STRADA: variants seen among roughly 807,000 people sequenced by gnomAD.
The protein encoded by STRADA is STE20 related adaptor alpha, also known as STE20-related kinase adapter protein alpha.
STRADA carries 26 observed loss-of-function variants against 55.0 expected under a neutral mutation model. The observed-to-expected ratio is 0.47, with a 90% confidence interval of 0.35 to 0.66. The LOEUF (loss-of-function observed/expected upper bound fraction) is 0.66. Among genes scored for constraint, STRADA ranks in the 30% least tolerant of loss-of-function variants. The pLI is 0.01. For synonymous variants in STRADA, 197 were observed against 210.9 expected, an observed-to-expected ratio of 0.93 and a Z score of 0.57; for missense variants, 443 against 549.7, an observed-to-expected ratio of 0.81 and a Z score of 1.94.
At chr17:63,730,246 A>C (rs1030205719) in intron 1 of STRADA, among the ~76,000 whole-genome samples, 1 of 152,070 alleles carries the variant, frequency 6.6e-6, no homozygotes, top group Admixed American at 6.6e-5. Flanking sequence ...CAAACACGCC[A>C]ACATCTCTGC....
At chr17:63,706,493 C>T (rs1405364140) in intron 10 of STRADA, 142 bp downstream of exon 10, 2 of 676,462 alleles carry the variant, frequency 3.0e-6, no homozygotes, top group Admixed American at 2.5e-5. Context: ...TCACTATCCC[C>T]CACTGGGTGG....
intron 6 of STRADA, 109 bp downstream of exon 6, chr17:63,713,297 C>G (rs1377750144): frequency 6.8e-7 from 1 of 1,463,770 alleles, no homozygotes; most frequent in Non-Finnish European, 9.2e-7. Context: ...TGAAAGCTTC[C>G]ATAACTTCCG....
At chr17:63,738,340 C>CAA (rs561180973) in intron 1 of STRADA, among the ~76,000 whole-genome samples, 6 of 76,724 alleles carry the variant, frequency 7.8e-5, no homozygotes, top group Admixed American at 1.6e-4. Flanking sequence ...GACTCCGACT[C>CAA]AAAAAAAAAA....
At chr17:63,739,973 C>T (rs2038770059) in intron 1 of STRADA, among the ~76,000 whole-genome samples, 1 of 146,924 alleles carries the variant, frequency 6.8e-6, no homozygotes, top group South Asian at 2.1e-4. Flanking sequence ...CAGGCAGGTA[C>T]CTGTTCCTGG....
chr17:63,717,296 A>AATTTT (rs1265712176), intron 4 of STRADA: 1 of 152,164 alleles, frequency 6.6e-6, no homozygotes, highest in African/African-American at 2.4e-5. Flanking sequence ...AGGATCATTA[A>AATTTT]ATTTTATTTT....
chr17:63,711,359 T>C (rs1484089676), intron 6 of STRADA, among the ~76,000 whole-genome samples: 1 of 151,882 alleles, frequency 6.6e-6, no homozygotes, highest in East Asian at 1.9e-4. Context: ...GTTTTCTTTT[T>C]TATTTTTTTG....
intron 1 of STRADA, among the ~76,000 whole-genome samples, chr17:63,729,785 T>A (rs2037901156): frequency 7.0e-6 from 1 of 141,848 alleles, no homozygotes; most frequent in African/African-American, 2.7e-5. Context: ...CTAGACTCCA[T>A]CTCAAAACAA....
chr17:63,740,137 T>TAC (rs775156758), intron 1 of STRADA, among the ~76,000 whole-genome samples: 13,938 of 59,872 alleles, frequency 0.23, 2,858 homozygotes, highest in South Asian at 0.43. Flanking sequence ...TACACATACA[T>TAC]ATATATATAT....
intron 12 of STRADA, 111 bp from the exon 13 acceptor site, chr17:63,703,862 T>C (rs1000908088): frequency 4.3e-6 from 7 of 1,611,296 alleles, no homozygotes; most frequent in East Asian, 2.2e-5. Flanking sequence ...GCCAACTCCA[T>C]GAGAGGAAGG....
intron 1 of STRADA, among the ~76,000 whole-genome samples, chr17:63,739,058 C>T (rs549941125): frequency 7.1e-6 from 1 of 141,272 alleles, no homozygotes; most frequent in Non-Finnish European, 1.5e-5. Flanking sequence ...GAGGCTGAGG[C>T]AGGAGAATGG....
At chr17:63,726,812 G>A in intron 2 of STRADA, 117 bp from the exon 3 acceptor site, 1 of 960,536 alleles carries the variant, frequency 1.0e-6, no homozygotes, top group Non-Finnish European at 1.6e-6. Flanking sequence ...ATGCAGTACA[G>A]TTAGGAATCA....
chr17:63,736,183 C>T (rs1198024759), intron 1 of STRADA, among the ~76,000 whole-genome samples: 2 of 151,958 alleles, frequency 1.3e-5, no homozygotes, highest in Non-Finnish European at 2.9e-5. Flanking sequence ...GTGATCCACC[C>T]GCCTCAGCCT....
intron 10 of STRADA, 144 bp downstream of exon 10, chr17:63,706,491 C>T (rs1455201520): frequency 1.5e-6 from 1 of 668,404 alleles, no homozygotes; most frequent in Non-Finnish European, 2.6e-6. Context: ...GGTCACTATC[C>T]CCCACTGGGT....
intron 1 of STRADA, among the ~76,000 whole-genome samples, chr17:63,731,083 A>G (rs1235139190): frequency 6.6e-6 from 1 of 151,730 alleles, no homozygotes; most frequent in Non-Finnish European, 1.5e-5. Flanking sequence ...AGCTGGGACT[A>G]CAGGCGTGCG....
At chr17:63,723,162 A>C (rs1219484508) in intron 4 of STRADA, 136 bp downstream of exon 4, 3 of 1,116,418 alleles carry the variant, frequency 2.7e-6, no homozygotes, top group African/African-American at 1.6e-5. Context: ...CCACAAGTAC[A>C]AAAATCACAC....
At chr17:63,709,929 A>G (rs1483219644) in intron 8 of STRADA, among the ~76,000 whole-genome samples, 4 of 152,190 alleles carry the variant, frequency 2.6e-5, no homozygotes, top group Non-Finnish European at 4.4e-5. Context: ...ACAACACTCA[A>G]GACCAAGCTG....
chr17:63,739,868 G>C (rs985436720), intron 1 of STRADA, among the ~76,000 whole-genome samples: 2 of 127,874 alleles, frequency 1.6e-5, no homozygotes, highest in African/African-American at 7.6e-5. Context: ...TATATGGCCC[G>C]GGACGGCTGC....
At chr17:63,734,087 C>A (rs1429922167) in intron 1 of STRADA, among the ~76,000 whole-genome samples, 1 of 152,204 alleles carries the variant, frequency 6.6e-6, no homozygotes, top group African/African-American at 2.4e-5. Flanking sequence ...ACCTCCAATA[C>A]AGGGATACCT....
chr17:63,734,867 A>G (rs1222625466), intron 1 of STRADA, among the ~76,000 whole-genome samples: 1 of 151,528 alleles, frequency 6.6e-6, no homozygotes, highest in Non-Finnish European at 1.5e-5. Context: ...TCTAGAAAAG[A>G]GCAAATTTGG....
Sources: allele counts gnomAD v4.1 joint callset (sites outside exome capture counted in the v4.1 genomes callset), GRCh38; gene constraint gnomAD v4.1.1; transcripts MANE v1.5; gene names NCBI Gene and HGNC (gene_info 2026-07-23, HGNC 2026-07-21).